Variants in SYCP1 observed in about 807,000 individuals in gnomAD.
SYCP1 encodes the protein synaptonemal complex protein 1, also known as cancer/testis antigen 8.
SYCP1 carries 64 observed loss-of-function variants against 153.1 expected under a neutral mutation model. That is an observed-to-expected ratio of 0.42 (90% CI 0.34 to 0.51). The LOEUF is 0.51. Ranked by LOEUF, SYCP1 falls within the 20% of genes least tolerant of loss-of-function variation. The probability of loss-of-function intolerance (pLI) is 0.06; values close to 1 mark genes in which losing one functional copy is unlikely to be tolerated. For missense variants in SYCP1, 997 were observed against 1,049.0 expected (o/e 0.95, Z 0.68); for synonymous variants, 384 against 341.8 (o/e 1.12, Z -1.36).
intron 25 of SYCP1, 148 bp downstream of exon 25, chr1:114,945,130 G>A: frequency 1.7e-6 from 1 of 592,110 alleles, no homozygotes; most frequent in African/African-American, 1.9e-5. Flanking sequence ...TACCCTTGAT[G>A]CCCATTTCTT....
chr1:114,876,556 T>C (rs1665550787), intron 10 of SYCP1, among the ~76,000 whole-genome samples, 181 bp from the exon 11 acceptor site: 1 of 151,586 alleles, frequency 6.6e-6, no homozygotes, highest in African/African-American at 2.4e-5. Flanking sequence ...ATATTATTTA[T>C]ATTTACTATT....
intron 27 of SYCP1, among the ~76,000 whole-genome samples, chr1:114,961,162 A>G (rs1671762165): frequency 6.6e-6 from 1 of 151,946 alleles, no homozygotes; most frequent in Non-Finnish European, 1.5e-5. Context: ...AGTAGCCTTG[A>G]TCTTTTTTAT....
At chr1:114,891,516 C>T (rs1030884714) in intron 15 of SYCP1, among the ~76,000 whole-genome samples, 4 of 152,158 alleles carry the variant, frequency 2.6e-5, no homozygotes, top group Non-Finnish European at 4.4e-5. Flanking sequence ...GTACTGCATA[C>T]CAAGTGAGTT....
chr1:114,932,015 G>GA (rs971526651), intron 23 of SYCP1, among the ~76,000 whole-genome samples: 8 of 151,586 alleles, frequency 5.3e-5, no homozygotes, highest in Admixed American at 2.6e-4. Context: ...ATATGGGAAA[G>GA]AAAAAAAACA....
At chr1:114,924,237 T>G (rs1480275850) in intron 21 of SYCP1, among the ~76,000 whole-genome samples, 2 of 152,134 alleles carry the variant, frequency 1.3e-5, no homozygotes, top group Non-Finnish European at 2.9e-5. Context: ...AAAGTCATCT[T>G]GAAAGTTCTA....
intron 27 of SYCP1, 79 bp from the exon 28 acceptor site, chr1:114,977,478 C>T: frequency 1.1e-6 from 1 of 890,926 alleles, no homozygotes. Flanking sequence ...TTAATACTTA[C>T]TAGGAAAGAT....
intron 20 of SYCP1, among the ~76,000 whole-genome samples, chr1:114,920,137 A>T (rs1362823569): frequency 2.6e-5 from 4 of 151,804 alleles, no homozygotes; most frequent in Non-Finnish European, 5.9e-5. Flanking sequence ...ACACCTCTTA[A>T]TACTCCTTTT....
chr1:114,916,387 T>G (rs750700214), intron 20 of SYCP1, among the ~76,000 whole-genome samples: 61 of 152,108 alleles, frequency 4.0e-4, no homozygotes, highest in Non-Finnish European at 7.9e-4. Context: ...TTCTATGGCT[T>G]GATGGTTAGT....
At chr1:114,896,581 G>A (rs1198297937) in intron 16 of SYCP1, among the ~76,000 whole-genome samples, 1 of 152,138 alleles carries the variant, frequency 6.6e-6, no homozygotes. Context: ...ATAGTGGCTG[G>A]CACATAGTAG....
At chr1:114,901,213 A>C (rs1667425760) in intron 16 of SYCP1, among the ~76,000 whole-genome samples, 1 of 152,208 alleles carries the variant, frequency 6.6e-6, no homozygotes, top group African/African-American at 2.4e-5. Flanking sequence ...TCAGATGTGC[A>C]TTAAAAGTGG....
chr1:114,945,054 A>G (rs1670621515), intron 25 of SYCP1, 72 bp downstream of exon 25: 1 of 1,082,052 alleles, frequency 9.2e-7, no homozygotes, highest in Non-Finnish European at 1.3e-6. Context: ...TGGTGAAATC[A>G]AGATAGTATT....
At chr1:114,864,224 A>G (rs1425964179) in intron 8 of SYCP1, among the ~76,000 whole-genome samples, 1 of 151,924 alleles carries the variant, frequency 6.6e-6, no homozygotes, top group Non-Finnish European at 1.5e-5. Flanking sequence ...CTGCTTAAGG[A>G]GAGAATATTT....
In SYCP1 at chr1:114,994,787, G is replaced by A; in HGVS notation, c.2793G>A (p.Lys931=). 1 of 1,585,448 alleles carries A rather than the reference G, an allele frequency of 6.3e-7. No homozygotes were observed. Reference sequence around the variant, plus strand: ...ATCTTTGTGTCAAAACACCAAAAAAGGTAGCTTTTAAATTTTATTTCAGAA... The same window carrying A: ...ATCTTTGTGTCAAAACACCAAAAAAAGTAGCTTTTAAATTTTATTTCAGAA... ...ASHLCVKTPK[K]APSSLTTPGS... Residue 931 remains lysine, a splice_region_variant and synonymous_variant, in exon 31 of 32, where the codon AAG becomes AAA. Coordinates refer to ENST00000369522, the MANE Select transcript of SYCP1 (RefSeq NM_003176.4).
intron 23 of SYCP1, among the ~76,000 whole-genome samples, chr1:114,941,510 T>G (rs1670386993): frequency 1.3e-5 from 2 of 152,172 alleles, no homozygotes; most frequent in South Asian, 4.1e-4. Context: ...TATAATTTTA[T>G]GCACTCTGAC....
chr1:114,964,579 C>T (rs1671986974), intron 27 of SYCP1, among the ~76,000 whole-genome samples: 1 of 152,030 alleles, frequency 6.6e-6, no homozygotes, highest in Non-Finnish European at 1.5e-5. Flanking sequence ...GGTCCAGTTT[C>T]AGTTTTCTGC....
Position 114,914,027 on chromosome 1 carries a change from A to G in SYCP1, c.1700A>G (p.Glu567Gly). The change falls in exon 20 of 32, where the codon GAA (glutamate) becomes GGA (glycine). Residue 567 changes from glutamate (E) to glycine (G), a missense_variant. By Grantham distance (98) the Glu-to-Gly change is moderately conservative. Around this residue, in one of 2 missense-constraint regions of SYCP1, gnomAD observed 712 missense variants for 682.9 expected, o/e 1.04. Transcript: ENST00000369522. ...RMLKQIENLQETETQLRNELE... is the reference protein window; with the variant it reads ...RMLKQIENLQGTETQLRNELE... ...TTGAAACAAATAGAAAATCTTCAAG[A>G]AACAGAAACCCAATTAAGGCAAGAC... 6.4e-7 allele frequency: 1 copy of G among 1,574,072 alleles called. No individual in the cohort carries two copies. Among genetic ancestry groups the G allele is most frequent in the Non-Finnish European group, 8.6e-7 (1 of 1,162,420 alleles).
intron 27 of SYCP1, among the ~76,000 whole-genome samples, chr1:114,975,606 C>T (rs1672755278): frequency 6.6e-6 from 1 of 151,520 alleles, no homozygotes; most frequent in Non-Finnish European, 1.5e-5. Context: ...CTTTTATATG[C>T]AACTTTTTTC....
intron 5 of SYCP1, 68 bp from the exon 6 acceptor site, chr1:114,858,479 A>G: frequency 1.5e-6 from 2 of 1,337,482 alleles, no homozygotes; most frequent in Non-Finnish European, 2.0e-6. Context: ...GGATATTTTC[A>G]GTAGGCAGCT....
intron 26 of SYCP1, among the ~76,000 whole-genome samples, chr1:114,946,863 C>G (rs1670740019): frequency 6.6e-6 from 1 of 152,128 alleles, no homozygotes; most frequent in African/African-American, 2.4e-5. Context: ...CCTCAGCCTC[C>G]TGAGTAGCTG....
Sources: allele counts gnomAD v4.1 joint callset (sites outside exome capture counted in the v4.1 genomes callset), GRCh38; gene constraint gnomAD v4.1.1; regional missense constraint gnomAD v4.1.1; transcripts MANE v1.5; gene names NCBI Gene and HGNC (gene_info 2026-07-23, HGNC 2026-07-21).